GORASP2: variants seen among roughly 807,000 people sequenced by gnomAD.
GORASP2 encodes the protein golgi reassembly stacking protein 2, also known as Golgi reassembly-stacking protein 2.
In GORASP2, 22 loss-of-function variants were observed where a neutral mutation model predicts 45.7. The ratio of observed to expected loss-of-function variants is 0.48; its 90% confidence interval spans 0.34 to 0.69. The LOEUF (loss-of-function observed/expected upper bound fraction) is 0.69, where lower values mean the gene tolerates loss of function less well. GORASP2 is among the 30% of genes least tolerant of loss of function. The pLI is 0.01. For synonymous variants in GORASP2, 221 were observed against 215.6 expected (o/e 1.02, Z -0.22); for missense variants, 491 against 562.7 (o/e 0.87, Z 1.29).
intron 8 of GORASP2, among the ~76,000 whole-genome samples, chr2:170,962,416 C>G (rs1704583906): frequency 6.6e-6 from 1 of 152,180 alleles, no homozygotes; most frequent in Non-Finnish European, 1.5e-5. Flanking sequence ...ACTACTTTTG[C>G]AACTGTAAGT....
intron 1 of GORASP2, among the ~76,000 whole-genome samples, chr2:170,947,618 C>CA (rs1439700765): frequency 6.6e-6 from 1 of 152,156 alleles, no homozygotes; most frequent in Admixed American, 6.5e-5. Context: ...TTATAAATGT[C>CA]TTGACATACG....
intron 1 of GORASP2, among the ~76,000 whole-genome samples, chr2:170,938,729 A>C (rs912265048): frequency 2.6e-5 from 4 of 152,230 alleles, no homozygotes; most frequent in African/African-American, 4.8e-5. Flanking sequence ...AAAGAAGCAC[A>C]GGCCTGTAAT....
Position 170,952,714 on chromosome 2 carries a change from C to T in GORASP2, c.566+1256C>T, listed in dbSNP as rs193195169. The stretch of plus-strand genomic sequence containing the variant: ...GTTTTGTTTGTTTGTTTGGAGACAG[C>T]GTCTTGCTCTCTGGGCTGGAGCACA... On this transcript the variant is annotated intron_variant, in intron 5 of 9. Coordinates refer to ENST00000234160, the MANE Select transcript of GORASP2 (RefSeq NM_015530.5). Among the ~76,000 whole-genome samples the T allele has an allele frequency of 4.2e-3, 644 of 152,270 alleles. 4 individuals are homozygous for T. The highest frequency in any genetic ancestry group is 7.1e-3 in the Non-Finnish European group (485 of 68,026).
intron 1 of GORASP2, among the ~76,000 whole-genome samples, chr2:170,932,780 A>G (rs1703858385): frequency 6.6e-6 from 1 of 152,192 alleles, no homozygotes; most frequent in African/African-American, 2.4e-5. Flanking sequence ...GCCATGTTTC[A>G]CAAAGATTTT....
intron 5 of GORASP2, 77 bp from the exon 6 acceptor site, chr2:170,954,573 G>C (rs1033492872): frequency 2.9e-4 from 294 of 1,015,866 alleles, no homozygotes; most frequent in Non-Finnish European, 3.9e-4. Flanking sequence ...TGGGTTACCC[G>C]CCCCCCCCAA....
At chr2:170,936,973 C>T (rs1295906529) in intron 1 of GORASP2, among the ~76,000 whole-genome samples, 1 of 152,136 alleles carries the variant, frequency 6.6e-6, no homozygotes, top group Non-Finnish European at 1.5e-5. Flanking sequence ...CTTTGGGAGG[C>T]TGAGGCGGGT....
chr2:170,959,126 A>G (rs1318218353), intron 7 of GORASP2, among the ~76,000 whole-genome samples: 1 of 146,102 alleles, frequency 6.8e-6, no homozygotes. Context: ...ATGCCCGGCT[A>G]ATTGTTTGTA....
intron 1 of GORASP2, among the ~76,000 whole-genome samples, chr2:170,945,766 T>A (rs767836969): frequency 2.6e-5 from 4 of 152,160 alleles, no homozygotes; most frequent in Non-Finnish European, 5.9e-5. Flanking sequence ...CATTAAGAGG[T>A]AATGAACAAT....
Position 170,966,272 on chromosome 2 carries a change from G to A in GORASP2, c.*142G>A. The A allele has an allele frequency of 1.5e-6, 1 of 675,090 alleles. No homozygotes were observed. 41.8% of individuals were successfully genotyped at this position (675,090 alleles called of 1,614,324 possible). On this transcript the variant is annotated 3_prime_UTR_variant, in exon 10 of 10. Transcript: ENST00000234160. ...TAATTCCAAGGGGAAAACTAAACGA[G>A]GACGTGGGTTGTATCCTGCCAGGTT...
chr2:170,952,266 A>G (rs1303694741), intron 5 of GORASP2, among the ~76,000 whole-genome samples: 3 of 152,300 alleles, frequency 2.0e-5, no homozygotes, highest in East Asian at 3.9e-4. Context: ...AGAACATCAC[A>G]TATTCTTTCA....
At chr2:170,929,814 T>C (rs1703774687) in intron 1 of GORASP2, 2 of 469,056 alleles carry the variant, frequency 4.3e-6, no homozygotes, top group South Asian at 3.1e-5. Flanking sequence ...TGCGCTTTCC[T>C]AGGAGAGGGA....
chr2:170,961,687 C>T lies in GORASP2; in HGVS notation c.848C>T (p.Pro283Leu). The change falls in exon 8 of 10, where the codon CCA becomes CTA. Residue 283 changes from proline to leucine, a missense_variant. Pro to Leu is a moderately conservative substitution (Grantham distance 98, BLOSUM62 -3). This residue lies in a region of GORASP2 where 297 missense variants were observed against 292.3 expected (regional missense o/e 1.02). Coordinates refer to ENST00000234160, the MANE Select transcript of GORASP2 (RefSeq NM_015530.5). ...STGVPTVPLLPPQVNQSLTSV... is the reference protein window; with the variant it reads ...STGVPTVPLLLPQVNQSLTSV... ...GGTGTACCAACAGTACCGTTATTGC[C>T]ACCACAAGTAAACCAGTCCCTCACT... is the stretch of plus-strand genomic sequence containing the variant. The T allele has an allele frequency of 1.9e-6, 3 of 1,592,100 alleles. No individual in the cohort carries two copies. Among genetic ancestry groups the T allele is most frequent in the Non-Finnish European group, 2.6e-6 (3 of 1,159,896 alleles).
chr2:170,948,041 T>C (rs1474572509), intron 1 of GORASP2, among the ~76,000 whole-genome samples: 1 of 152,088 alleles, frequency 6.6e-6, no homozygotes, highest in East Asian at 1.9e-4. Context: ...CAAGAATCGC[T>C]TGAATCAGGG....
At chr2:170,965,698 T>C (rs1457327478) in intron 9 of GORASP2, 92 bp from the exon 10 acceptor site, 4 of 907,268 alleles carry the variant, frequency 4.4e-6, no homozygotes, top group Non-Finnish European at 7.2e-6. Flanking sequence ...TTCAGTTTCC[T>C]TAATGAAATG....
intron 1 of GORASP2, chr2:170,929,832 C>A (rs573753358): frequency 2.2e-6 from 1 of 464,564 alleles, no homozygotes; most frequent in African/African-American, 2.0e-5. Flanking sequence ...GGATCCGGAC[C>A]CGCAGTCCGG....
chr2:170,959,549 G>A (rs933746330), intron 7 of GORASP2, among the ~76,000 whole-genome samples: 2 of 152,158 alleles, frequency 1.3e-5, no homozygotes, highest in Non-Finnish European at 2.9e-5. Context: ...ATCACAACAC[G>A]TGAGAAACAA....
intron 9 of GORASP2, among the ~76,000 whole-genome samples, chr2:170,964,412 G>A (rs1704641484): frequency 6.6e-6 from 1 of 152,186 alleles, no homozygotes; most frequent in African/African-American, 2.4e-5. Context: ...CAGCACTTTG[G>A]GAAGCCAAGG....
At chr2:170,950,137 G>T in intron 3 of GORASP2, 67 bp from the exon 4 acceptor site, 1 of 749,042 alleles carries the variant, frequency 1.3e-6, no homozygotes, top group South Asian at 1.8e-5. Context: ...ATTAAAAATT[G>T]GACTATAAAC....
At chr2:170,953,914 C>T (rs1040791964) in intron 5 of GORASP2, 2 of 152,242 alleles carry the variant, frequency 1.3e-5, no homozygotes, top group Non-Finnish European at 2.9e-5. Flanking sequence ...ATGAGCCATT[C>T]CCTTGGTTTG....
Sources: gnomAD v4.1 joint callset for allele counts (sites outside exome capture counted in the v4.1 genomes callset) on GRCh38, gnomAD v4.1.1 for gene constraint, gnomAD v4.1.1 regional missense constraint, MANE v1.5 for transcripts, NCBI Gene and HGNC (gene_info 2026-07-23, HGNC 2026-07-21) for gene names.